Variants in SSUH2 observed in about 807,000 individuals in gnomAD.
SSUH2 encodes the protein protein SSUH2 homolog.
Under a neutral mutation model 55.3 loss-of-function variants are expected in SSUH2, and 47 were observed. The observed-to-expected ratio is 0.85, with a 90% CI of 0.67 to 1.08. The LOEUF is 1.08. Among genes scored for constraint, SSUH2 ranks in the 50% least tolerant of loss-of-function variants. The pLI, the probability that SSUH2 is intolerant of heterozygous loss-of-function variation, is 0.00. For missense variants in SSUH2, 535 were observed against 490.7 expected (o/e 1.09, Z -0.85); for synonymous variants, 212 against 191.5 (o/e 1.11, Z -0.89).
At chr3:8,680,344 G>A (rs1174715449) in intron 1 of SSUH2, among the ~76,000 whole-genome samples, 3 of 150,984 alleles carry the variant, frequency 2.0e-5, no homozygotes, top group Non-Finnish European at 4.4e-5. Context: ...TAGGATCCAA[G>A]GTGGACTCAC....
rs1269037013 is a variant in SSUH2 at position 8,623,529 on chromosome 3, G to A, written c.981+20C>T. ...CAGGAAGAGACGTCAGAGCCAGATG[G>A]CCCCTCCGCCCTGGCTCACCTGCTG... On this transcript the variant is annotated intron_variant, in intron 11 of 11. Transcript: ENST00000544814. 1.4e-6 allele frequency: 2 copies of A among 1,449,630 alleles called. No individual in the cohort carries two copies. Among genetic ancestry groups the A allele is most frequent in the African/African-American group, 1.4e-5 (1 of 70,988 alleles). The allele number at this position is 1,449,630 out of a possible 1,614,324, so 89.8% of individuals were successfully genotyped here. A position where few individuals can be genotyped will look rare whatever the true frequency, so the allele number is the denominator to read the frequency against.
At chr3:8,663,655 G>A in intron 6 of SSUH2, 1 of 352,934 alleles carries the variant, frequency 2.8e-6, no homozygotes, top group Non-Finnish European at 5.7e-6. Context: ...ATGTCCACCA[G>A]GGGGTGCTAG....
intron 3 of SSUH2, 131 bp downstream of exon 3, chr3:8,635,167 GAT>G (rs1458543774): frequency 1.5e-6 from 1 of 669,190 alleles, no homozygotes; most frequent in African/African-American, 1.8e-5. Context: ...ATCCCTGGAG[GAT>G]CTGGTGCAGT....
chr3:8,633,585 C>G, intron 4 of SSUH2, 81 bp downstream of exon 4: 1 of 1,234,362 alleles, frequency 8.1e-7, no homozygotes, highest in Non-Finnish European at 1.1e-6. Flanking sequence ...GGCCACATCA[C>G]ACAAACAGGC....
At chr3:8,644,848 A>G (rs1701464437), upstream of SSUH2, 3 of 1,084,968 alleles carry the variant, frequency 2.8e-6, no homozygotes, top group South Asian at 2.7e-5. Context: ...CCCTCCCAGA[A>G]CAGCAGGCCC....
chr3:8,657,383 C>A (rs903961263), intron 7 of SSUH2, among the ~76,000 whole-genome samples: 17 of 152,120 alleles, frequency 1.1e-4, no homozygotes, highest in Non-Finnish European at 2.2e-4. Context: ...TACAAAGTGG[C>A]ATGAAGAAGC....
intron 1 of SSUH2, among the ~76,000 whole-genome samples, chr3:8,641,708 T>A (rs1057306879): frequency 1.3e-5 from 2 of 152,238 alleles, no homozygotes; most frequent in Non-Finnish European, 2.9e-5. Context: ...TGTGCCTCCA[T>A]CCACGGGATG....
chr3:8,627,660 A>T, intron 8 of SSUH2, 38 bp downstream of exon 8: 2 of 1,473,792 alleles, frequency 1.4e-6, no homozygotes, highest in Non-Finnish European at 1.8e-6. Flanking sequence ...GCCAGAAAGC[A>T]AGAGCACTTC....
intron 5 of SSUH2, 51 bp from the exon 6 acceptor site, chr3:8,630,980 A>G: frequency 7.5e-7 from 1 of 1,330,400 alleles, no homozygotes; most frequent in Non-Finnish European, 9.7e-7. Context: ...GCAGGGATAA[A>G]CTTTCATTTA....
At chr3:8,666,905 C>G (rs901243128) in intron 5 of SSUH2, among the ~76,000 whole-genome samples, 3 of 152,196 alleles carry the variant, frequency 2.0e-5, no homozygotes, top group Admixed American at 6.5e-5. Flanking sequence ...ACCACATTTA[C>G]CAGTTTACCA....
Position 8,619,783 on chromosome 3 carries a change from C to T in SSUH2, c.*85G>A, listed in dbSNP as rs144862808. 9 of 1,491,750 alleles carry T rather than the reference C, an allele frequency of 6.0e-6. No homozygotes were observed. The East Asian group carries it at 1.6e-4, about 26-fold the overall frequency. The allele number at this position is 1,491,750 out of a possible 1,614,324, so 92.4% of individuals were successfully genotyped here. On this transcript the variant is annotated 3_prime_UTR_variant, in exon 12 of 12. Coordinates refer to ENST00000544814, the MANE Select transcript of SSUH2 (RefSeq NM_001256748.3). ...AGGGTTTGTATGTGATTGTCCAATG[C>T]AGCCAACAGTGAACACACTCAGAGA...
chr3:8,656,557 G>A (rs991816741), intron 7 of SSUH2, among the ~76,000 whole-genome samples: 3 of 152,160 alleles, frequency 2.0e-5, no homozygotes, highest in African/African-American at 4.8e-5. Flanking sequence ...GCCCCACCAT[G>A]TGCCCTAGGC....
chr3:8,675,959 G>A (rs533770101), intron 3 of SSUH2, among the ~76,000 whole-genome samples: 15 of 152,162 alleles, frequency 9.9e-5, no homozygotes, highest in Middle Eastern at 3.4e-3. Flanking sequence ...ACAACTAGAC[G>A]GGGTTTCTAA....
chr3:8,635,469 T>C, intron 2 of SSUH2, 88 bp from the exon 3 acceptor site: 1 of 1,008,100 alleles, frequency 9.9e-7, no homozygotes, highest in Non-Finnish European at 1.5e-6. Flanking sequence ...TGATTGAATG[T>C]GAGAAAGAAC....
chr3:8,680,471 T>C (rs1334784359), intron 1 of SSUH2, among the ~76,000 whole-genome samples: 8 of 151,840 alleles, frequency 5.3e-5, no homozygotes, highest in Non-Finnish European at 1.2e-4. Context: ...GTACTGGGAG[T>C]AATATCATCC....
chr3:8,666,521 C>G (rs1478612659), intron 5 of SSUH2, among the ~76,000 whole-genome samples: 1 of 152,136 alleles, frequency 6.6e-6, no homozygotes, highest in Non-Finnish European at 1.5e-5. Flanking sequence ...AGCCAGGGCA[C>G]CATTTCTGGA....
intron 10 of SSUH2, among the ~76,000 whole-genome samples, chr3:8,624,796 C>T (rs570713114): frequency 3.3e-5 from 5 of 152,224 alleles, no homozygotes; most frequent in South Asian, 2.1e-4. Flanking sequence ...ACTCCTGGCC[C>T]GCAGGACCCT....
In SSUH2 at chr3:8,679,322, C is replaced by A. The variant is rs1481922766; in HGVS notation, c.-901+383G>T. 5.3e-5 allele frequency among the ~76,000 whole-genome samples: 4 copies of A among 75,816 alleles called. 1 individual carries two copies. The highest frequency in any genetic ancestry group is 9.6e-5 in the Non-Finnish European group (3 of 31,270). The allele number at this position is 75,816 out of a possible 152,430, so 49.7% of individuals were successfully genotyped here. A position where few individuals can be genotyped will look rare whatever the true frequency, so the allele number is the denominator to read the frequency against. ...CCCCCATGAGGCGGGGACTAAGAGC[C>A]AGCCCCTCTTCCCGCCCCTTGCTCT... On this transcript the variant is annotated intron_variant, in intron 2 of 18. Coordinates refer to the SSUH2 transcript ENST00000317371.
intron 3 of SSUH2, among the ~76,000 whole-genome samples, chr3:8,673,168 C>T (rs1559543739): frequency 3.3e-5 from 5 of 151,878 alleles, no homozygotes; most frequent in South Asian, 2.1e-4. Context: ...ATCAATATCA[C>T]TTATTAATAC....
Sources: gnomAD v4.1 joint callset for allele counts (sites outside exome capture counted in the v4.1 genomes callset) on GRCh38, gnomAD v4.1.1 for gene constraint, MANE v1.5 for transcripts, NCBI Gene and HGNC (gene_info 2026-07-23, HGNC 2026-07-21) for gene names.